Variants in CREB5 observed in about 807,000 individuals in gnomAD.
The protein encoded by CREB5 is cAMP responsive element binding protein 5, also known as cyclic AMP-responsive element-binding protein 5.
In CREB5, 19 loss-of-function variants were observed where a neutral mutation model predicts 57.1. The observed-to-expected ratio is 0.33, with a 90% CI of 0.23 to 0.49. CREB5 has a LOEUF of 0.49. Ranked by LOEUF, CREB5 falls within the 20% of genes least tolerant of loss-of-function variation. The pLI is 0.99. For synonymous variants in CREB5, 238 were observed against 238.3 expected, an observed-to-expected ratio of 1.00 and a Z score of 0.01; for missense variants, 579 against 671.6, an observed-to-expected ratio of 0.86 and a Z score of 1.52.
chr7:28,379,306 C>G (rs1186293556), intron 1 of CREB5, among the ~76,000 whole-genome samples: 1 of 152,202 alleles, frequency 6.6e-6, no homozygotes, highest in African/African-American at 2.4e-5. Flanking sequence ...CTCATATGTT[C>G]TAACCACCAA....
intron 5 of CREB5, among the ~76,000 whole-genome samples, chr7:28,695,815 C>T (rs1801528339): frequency 6.6e-6 from 1 of 152,172 alleles, no homozygotes; most frequent in Non-Finnish European, 1.5e-5. Flanking sequence ...TGCTTCCTCC[C>T]TCTTCCTCCC....
At chr7:28,660,698 G>A (rs190498353) in intron 5 of CREB5, among the ~76,000 whole-genome samples, 1 of 152,016 alleles carries the variant, frequency 6.6e-6, no homozygotes, top group Non-Finnish European at 1.5e-5. Context: ...ATGGAATTAT[G>A]CCCCCACCCC....
At chr7:28,680,067 C>T (rs141375114) in intron 5 of CREB5, among the ~76,000 whole-genome samples, 1 of 152,234 alleles carries the variant, frequency 6.6e-6, no homozygotes, top group African/African-American at 2.4e-5. Context: ...AAATGAGCCC[C>T]CTATGGCTCA....
chr7:28,409,846 C>A (rs1290098831), upstream of CREB5: 1 of 453,044 alleles, frequency 2.2e-6, no homozygotes, highest in Non-Finnish European at 4.4e-6. This position sits in a 1 kb window ranked among gnomAD's most constrained non-coding sequence, Gnocchi z 4.4. Flanking sequence ...GCGCGCGAGT[C>A]CCCTGACGCG....
chr7:28,721,279 A>T (rs937751747), intron 6 of CREB5, among the ~76,000 whole-genome samples: 6 of 152,186 alleles, frequency 3.9e-5, no homozygotes, highest in Non-Finnish European at 8.8e-5. Flanking sequence ...AGCCCCCACA[A>T]CAAAGGATTA....
rs961421379 is a variant in CREB5, at chr7:28,724,561, C to T, written c.702+229C>T. The T allele has an allele frequency of 1.4e-5, 7 of 488,442 alleles. No individual in the cohort carries two copies. In the South Asian group the frequency reaches 1.5e-4, roughly 10 times the overall value. The allele number at this position is 488,442 out of a possible 1,614,324, so 30.3% of individuals were successfully genotyped here. A position where few individuals can be genotyped will look rare whatever the true frequency, so the allele number is the denominator to read the frequency against. On this transcript the variant is annotated intron_variant, in intron 7 of 10. Transcript: ENST00000357727. ...TGGCAAGTGGTATTAATGAAAGGAA[C>T]ATTTAGGAGTTTTGGTAGATCCATA...
chr7:28,745,119 T>A (rs1804618328), intron 7 of CREB5, among the ~76,000 whole-genome samples: 1 of 152,232 alleles, frequency 6.6e-6, no homozygotes, highest in Admixed American at 6.5e-5. Context: ...TGAACATCTC[T>A]CTTGCTCCAC....
intron 7 of CREB5, among the ~76,000 whole-genome samples, chr7:28,755,691 G>A (rs1030697865): frequency 2.0e-5 from 3 of 152,140 alleles, no homozygotes; most frequent in African/African-American, 7.2e-5. Flanking sequence ...TTCCACTCTA[G>A]GCAGTGTTAA....
intron 1 of CREB5, among the ~76,000 whole-genome samples, chr7:28,342,518 G>A (rs1052994359): frequency 6.6e-6 from 1 of 152,198 alleles, no homozygotes; most frequent in African/African-American, 2.4e-5. Context: ...GCTTGCATCT[G>A]CAATGTTCAT....
chr7:28,373,249 G>C (rs561515045), intron 1 of CREB5, among the ~76,000 whole-genome samples: 1 of 152,192 alleles, frequency 6.6e-6, no homozygotes, highest in South Asian at 2.1e-4. Flanking sequence ...TTGACAAAAA[G>C]GCACAGAGAT....
chr7:28,338,515 T>C (rs528878162), intron 1 of CREB5, among the ~76,000 whole-genome samples: 45 of 152,326 alleles, frequency 3.0e-4, no homozygotes, highest in African/African-American at 9.4e-4. Flanking sequence ...TTGTATGTTA[T>C]TTATTTCTTT....
At chr7:28,373,445 C>CT (rs10713296) in intron 1 of CREB5, among the ~76,000 whole-genome samples, 5,918 of 136,270 alleles carry the variant, frequency 0.043, 413 homozygotes, top group African/African-American at 0.15. Context: ...TTTCTTTTTT[C>CT]TTTTTTTTTT....
intron 5 of CREB5, among the ~76,000 whole-genome samples, chr7:28,646,945 AC>A (rs1454372913): frequency 6.6e-6 from 1 of 152,050 alleles, no homozygotes; most frequent in African/African-American, 2.4e-5. Flanking sequence ...AACTAGACTA[AC>A]CTGTAAAAGA....
At chr7:28,659,930 C>T (rs1040568539) in intron 5 of CREB5, among the ~76,000 whole-genome samples, 5 of 152,084 alleles carry the variant, frequency 3.3e-5, no homozygotes, top group African/African-American at 1.2e-4. Flanking sequence ...ATAATAAGAA[C>T]AGTAGAGAAA....
At chr7:28,660,974 A>G (rs1799588794) in intron 5 of CREB5, among the ~76,000 whole-genome samples, 1 of 150,768 alleles carries the variant, frequency 6.6e-6, no homozygotes, top group Non-Finnish European at 1.5e-5. Context: ...TCTTGTCATC[A>G]GTGCTGTTTT....
At chr7:28,675,260 A>G (rs1196389788) in intron 5 of CREB5, among the ~76,000 whole-genome samples, 2 of 152,190 alleles carry the variant, frequency 1.3e-5, no homozygotes, top group Non-Finnish European at 2.9e-5. Flanking sequence ...CTTTCGACCC[A>G]TTAGAATGCT....
chr7:28,413,001 A>G, intron 1 of CREB5, 84 bp downstream of exon 1: 1 of 1,238,968 alleles, frequency 8.1e-7, no homozygotes, highest in Non-Finnish European at 1.1e-6. Flanking sequence ...ATTTTCATAG[A>G]TGGAATTCAG....
chr7:28,779,761 G>A (rs145335588), intron 7 of CREB5, among the ~76,000 whole-genome samples: 4 of 152,120 alleles, frequency 2.6e-5, no homozygotes, highest in African/African-American at 4.8e-5. Context: ...TCTCAAACCC[G>A]TCCATATAAC....
intron 7 of CREB5, among the ~76,000 whole-genome samples, chr7:28,767,809 A>G (rs112492517): frequency 5.1e-4 from 77 of 152,328 alleles, no homozygotes; most frequent in African/African-American, 1.7e-3. Flanking sequence ...ATTTTGCCTA[A>G]TGCCTCTTCA....
Sources: allele counts gnomAD v4.1 joint callset (sites outside exome capture counted in the v4.1 genomes callset), GRCh38; gene constraint gnomAD v4.1.1; non-coding constraint Gnocchi (gnomAD v3.1); transcripts MANE v1.5; gene names NCBI Gene and HGNC (gene_info 2026-07-23, HGNC 2026-07-21).